FRA10AC1: variants seen among roughly 807,000 people sequenced by gnomAD.
FRA10AC1 encodes FRA10A associated CGG repeat 1, also known as protein FRA10AC1.
FRA10AC1 carries 43 observed loss-of-function variants against 56.5 expected under a neutral mutation model. The ratio of observed to expected loss-of-function variants is 0.76; its 90% CI spans 0.60 to 0.98. FRA10AC1 has a LOEUF of 0.98. Ranked by LOEUF, FRA10AC1 falls within the 50% of genes least tolerant of loss-of-function variation. The pLI is 0.00. For missense variants in FRA10AC1, 346 were observed against 351.8 expected (o/e 0.98, Z 0.13); for synonymous variants, 112 against 110.5 (o/e 1.01, Z -0.09).
At chr10:93,692,116 A>G in intron 6 of FRA10AC1, 23 bp from the exon 7 acceptor site, 1 of 1,437,060 alleles carries the variant, frequency 7.0e-7, no homozygotes, top group East Asian at 2.6e-5. Context: ...AAATATAAAT[A>G]TTATACATTT....
At chr10:93,674,162 GTTTC>G (rs2058808267) in intron 12 of FRA10AC1, 1 of 152,160 alleles carries the variant, frequency 6.6e-6, no homozygotes, top group African/African-American at 2.4e-5. Context: ...TAAAAATTGA[GTTTC>G]TTCATTCATT....
In FRA10AC1 at chr10:93,671,129, G is replaced by A. The variant is rs112775117; in HGVS notation, c.827-281C>T. The stretch of plus-strand genomic sequence containing the variant: ...AGTAGCAATTCCAATATTAACTCTT[G>A]TAAGTCAATTATCTCTTGCAATATA... On this transcript the variant is annotated intron_variant, in intron 12 of 13. Coordinates refer to ENST00000359204, the MANE Select transcript of FRA10AC1 (RefSeq NM_145246.5). 1,856 of 300,694 alleles carry A rather than the reference G, an allele frequency of 6.2e-3. 39 individuals are homozygous for A. Among genetic ancestry groups the A allele is most frequent in the African/African-American group, 0.037 (1,717 of 46,754 alleles). The allele number at this position is 300,694 out of a possible 1,614,324, so 18.6% of individuals were successfully genotyped here. A position where few individuals can be genotyped will look rare whatever the true frequency, so the allele number is the denominator to read the frequency against.
intron 7 of FRA10AC1, chr10:93,687,709 G>A (rs2059055171): frequency 3.4e-6 from 1 of 289,906 alleles, no homozygotes; most frequent in Non-Finnish European, 6.4e-6. Flanking sequence ...AATATATCCT[G>A]TTCTGTAAGA....
In FRA10AC1 at chr10:93,692,690, A is replaced by C; in HGVS notation, c.336T>G (p.Asn112Lys). ...DKTDLDVIRENHRFLWNEEDE... is the reference protein window; with the variant it reads ...DKTDLDVIREKHRFLWNEEDE... ...CCTCCTCATTCCATAGGAATCTATG[A>C]TTTTCTCGTATAACATCCAAGTCTG... The change falls in exon 6 of 14, where the codon AAT becomes AAG. Residue 112 changes from asparagine to lysine, a missense_variant. Coordinates refer to ENST00000359204, the MANE Select transcript of FRA10AC1 (RefSeq NM_145246.5). 1 of 1,596,448 alleles carries C rather than the reference A, an allele frequency of 6.3e-7. No homozygotes were observed.
chr10:93,681,497 G>A lies in FRA10AC1; in HGVS notation c.770C>T (p.Ser257Phe). Residue 257 changes from serine (S) to phenylalanine (F), a missense_variant, in exon 11 of 14, where the codon TCC (serine) becomes TTC (phenylalanine). Ser to Phe is a radical substitution (Grantham distance 155). Transcript: ENST00000359204. ...CCTTTTACCTTTATCTTTTTTCTTG[G>A]AGGCCTCTTCTGCAGAAGATAATCT... Reference protein sequence around the residue: ...KSRLSSAEEASKKKDKGHSSS... With the variant: ...KSRLSSAEEAFKKKDKGHSSS... The A allele has an allele frequency of 6.4e-7, 1 of 1,569,064 alleles. No individual in the cohort carries two copies. The highest frequency in any genetic ancestry group is 2.3e-5 in the East Asian group (1 of 43,020).
At chr10:93,700,745 A>T (rs1054467135) in intron 1 of FRA10AC1, among the ~76,000 whole-genome samples, 2 of 152,184 alleles carry the variant, frequency 1.3e-5, no homozygotes, top group African/African-American at 4.8e-5. Flanking sequence ...ATCTTTTTCA[A>T]TATATGTAGA....
chr10:93,686,646 A>G (rs1471716367), intron 8 of FRA10AC1, among the ~76,000 whole-genome samples: 1 of 82,386 alleles, frequency 1.2e-5, no homozygotes, highest in Non-Finnish European at 3.2e-5. Flanking sequence ...TGGAAGATAT[A>G]TATGAGCCAC....
At chr10:93,691,712 TCTAGA>T (rs2059126639) in intron 7 of FRA10AC1, among the ~76,000 whole-genome samples, 1 of 152,188 alleles carries the variant, frequency 6.6e-6, no homozygotes, top group South Asian at 2.1e-4. Context: ...CACTAGAGGC[TCTAGA>T]CTAGAGTCAG....
intron 5 of FRA10AC1, among the ~76,000 whole-genome samples, chr10:93,693,531 C>T (rs1301047598): frequency 4.2e-4 from 13 of 30,754 alleles, no homozygotes; most frequent in Admixed American, 9.6e-4. Context: ...ATATATACAC[C>T]ATATATATAT....
At chr10:93,684,178 C>A (rs2058984830) in intron 9 of FRA10AC1, 80 bp from the exon 10 acceptor site, 2 of 1,031,178 alleles carry the variant, frequency 1.9e-6, no homozygotes, top group Admixed American at 1.9e-5. Context: ...TAAATTCGCA[C>A]TTTCTTTATA....
At chr10:93,670,002 C>A in intron 13 of FRA10AC1, 134 bp from the exon 14 acceptor site, 3 of 499,858 alleles carry the variant, frequency 6.0e-6, no homozygotes, top group Non-Finnish European at 1.1e-5. Flanking sequence ...CAATATATTG[C>A]CATGATTCAG....
Position 93,681,582 on chromosome 10 carries a change from A to G in FRA10AC1, c.685T>C (p.Ser229Pro). The G allele has an allele frequency of 6.5e-7, 1 of 1,528,016 alleles. No individual in the cohort carries two copies. The highest frequency in any genetic ancestry group is 1.2e-5 in the South Asian group (1 of 80,438). The allele number at this position is 1,528,016 out of a possible 1,614,324, so 94.7% of individuals were successfully genotyped here. Residue 229 changes from serine to proline, a missense_variant, in exon 11 of 14, where the codon TCA becomes CCA. Ser to Pro is a moderately conservative substitution (Grantham distance 74). Transcript: ENST00000359204. ...NFHHRRKEIK[S>P]KKRKDKTKKD... is the part of the protein sequence containing the mutation. Reference sequence around the variant, plus strand: ...TTGGTTTTATCTTTTCTTTTTTTTGACTTGATTTCTTTTCTCCTTTGTGTT... The same window carrying G: ...TTGGTTTTATCTTTTCTTTTTTTTGGCTTGATTTCTTTTCTCCTTTGTGTT...
chr10:93,684,014 T>C (rs1326473409), intron 10 of FRA10AC1, 42 bp downstream of exon 10: 1 of 1,321,786 alleles, frequency 7.6e-7, no homozygotes, highest in Non-Finnish European at 1.1e-6. Flanking sequence ...GACTATATCC[T>C]GGATTACTAA....
chr10:93,694,814 T>C, intron 5 of FRA10AC1, 47 bp downstream of exon 5: 1 of 1,089,614 alleles, frequency 9.2e-7, no homozygotes, highest in Non-Finnish European at 1.4e-6. Context: ...GTCTTTAAAG[T>C]TTCCCATAAC....
At chr10:93,680,914 G>A (rs2058923266) in intron 11 of FRA10AC1, among the ~76,000 whole-genome samples, 1 of 152,164 alleles carries the variant, frequency 6.6e-6, no homozygotes, top group Admixed American at 6.5e-5. Flanking sequence ...CTAAGTATAG[G>A]TGCACAGCAC....
At chr10:93,690,346 CTCA>C (rs1214988141) in intron 7 of FRA10AC1, among the ~76,000 whole-genome samples, 1 of 152,198 alleles carries the variant, frequency 6.6e-6, no homozygotes, top group African/African-American at 2.4e-5. Context: ...TGTACAATCA[CTCA>C]TCATGTTCTA....
At chr10:93,693,606 T>TAC (rs1366864267) in intron 5 of FRA10AC1, among the ~76,000 whole-genome samples, 1 of 143,218 alleles carries the variant, frequency 7.0e-6, no homozygotes, top group Non-Finnish European at 1.5e-5. Flanking sequence ...ACCATATATA[T>TAC]ACACACCATA....
rs753266545 is a variant in FRA10AC1 at position 93,691,975 on chromosome 10, A to G, written c.465+34T>C. 4 of 1,550,658 alleles carry G rather than the reference A, an allele frequency of 2.6e-6. No homozygotes were observed. The Admixed American group carries it at 8.0e-5, about 31-fold the overall frequency. On this transcript the variant is annotated intron_variant, in intron 7 of 13. Coordinates refer to ENST00000359204, the MANE Select transcript of FRA10AC1 (RefSeq NM_145246.5). The stretch of plus-strand genomic sequence containing the variant: ...TAAAAGTTAATATTTTACTTGAATA[A>G]GAACCTCTTTCCATAAATATGTGGA...
chr10:93,702,304 T>C (rs1263489103), intron 1 of FRA10AC1, 71 bp downstream of exon 1: 1 of 151,514 alleles, frequency 6.6e-6, no homozygotes, highest in Non-Finnish European at 1.5e-5. Flanking sequence ...GATCAGCTAG[T>C]ACTATATGAA....
Sources: allele counts gnomAD v4.1 joint callset (sites outside exome capture counted in the v4.1 genomes callset), GRCh38; gene constraint gnomAD v4.1.1; transcripts MANE v1.5; gene names NCBI Gene and HGNC (gene_info 2026-07-23, HGNC 2026-07-21).